Variants in CCSER1 observed in about 807,000 individuals in gnomAD.
The protein encoded by CCSER1 is coiled-coil serine rich protein 1.
CCSER1 carries 41 observed loss-of-function variants against 82.0 expected under a neutral mutation model. That is an observed-to-expected ratio of 0.50 (90% CI 0.39 to 0.65). CCSER1 has a LOEUF of 0.65. CCSER1 is among the 30% of genes least tolerant of loss of function. The probability of loss-of-function intolerance (pLI) is 0.00; values close to 1 mark genes in which losing one functional copy is unlikely to be tolerated. For synonymous variants in CCSER1, 414 were observed against 383.9 expected (o/e 1.08, Z -0.92); for missense variants, 1,119 against 1,064.2 (o/e 1.05, Z -0.72).
At chr4:90,829,396 A>G (rs889894301) in intron 8 of CCSER1, among the ~76,000 whole-genome samples, 1 of 152,186 alleles carries the variant, frequency 6.6e-6, no homozygotes, top group Non-Finnish European at 1.5e-5. Flanking sequence ...AGACTGGAGA[A>G]AAAAACAGCT....
At chr4:91,355,632 A>G (rs1748773713) in intron 10 of CCSER1, among the ~76,000 whole-genome samples, 1 of 152,166 alleles carries the variant, frequency 6.6e-6, no homozygotes, top group Admixed American at 6.5e-5. Context: ...CTTACTGAAA[A>G]AGTCCAAATT....
chr4:90,547,829 G>A (rs1168690240), intron 5 of CCSER1, among the ~76,000 whole-genome samples: 1 of 152,050 alleles, frequency 6.6e-6, no homozygotes, highest in Non-Finnish European at 1.5e-5. Context: ...CTTCAATTCA[G>A]AGGAAAATGA....
intron 9 of CCSER1, among the ~76,000 whole-genome samples, chr4:91,076,920 G>GCTA (rs1193879981): frequency 6.6e-6 from 1 of 152,194 alleles, no homozygotes; most frequent in Non-Finnish European, 1.5e-5. Flanking sequence ...GAACAAAGGA[G>GCTA]CTAGAATTTG....
chr4:91,164,533 T>G (rs1033786274), intron 10 of CCSER1, among the ~76,000 whole-genome samples: 2 of 152,208 alleles, frequency 1.3e-5, no homozygotes, highest in Non-Finnish European at 2.9e-5. Flanking sequence ...GTTTTTCAAC[T>G]TGGTTCCATT....
intron 10 of CCSER1, among the ~76,000 whole-genome samples, chr4:91,150,855 C>T (rs529513463): frequency 1.1e-4 from 17 of 152,184 alleles, no homozygotes; most frequent in Admixed American, 5.2e-4. Context: ...TTTGATGTGC[C>T]GCTGGATTTG....
chr4:91,099,115 T>C (rs1724805574), intron 10 of CCSER1, among the ~76,000 whole-genome samples: 1 of 152,216 alleles, frequency 6.6e-6, no homozygotes, highest in Non-Finnish European at 1.5e-5. Flanking sequence ...CAAAACTTGC[T>C]TCTACTTGTA....
At chr4:91,120,600 T>A (rs1727001994) in intron 10 of CCSER1, among the ~76,000 whole-genome samples, 1 of 151,968 alleles carries the variant, frequency 6.6e-6, no homozygotes, top group Non-Finnish European at 1.5e-5. Flanking sequence ...TGAGTACTTG[T>A]GAAAATTCTT....
intron 10 of CCSER1, among the ~76,000 whole-genome samples, chr4:91,139,768 T>C (rs1262243048): frequency 6.6e-6 from 1 of 152,190 alleles, no homozygotes; most frequent in Admixed American, 6.6e-5. Context: ...AATATACATT[T>C]GTAATCAACA....
chr4:91,245,483 G>A (rs984370666), intron 10 of CCSER1, among the ~76,000 whole-genome samples: 1 of 152,042 alleles, frequency 6.6e-6, no homozygotes, highest in African/African-American at 2.4e-5. Flanking sequence ...CCAGGAGAGA[G>A]TGATATGACA....
chr4:91,417,314 C>A (rs1753426236), intron 10 of CCSER1, among the ~76,000 whole-genome samples: 1 of 152,106 alleles, frequency 6.6e-6, no homozygotes, highest in South Asian at 2.1e-4. Context: ...GCAGAGATAT[C>A]ATTTGACCCA....
chr4:91,290,307 A>T (rs1032242085), intron 10 of CCSER1, among the ~76,000 whole-genome samples: 1 of 152,022 alleles, frequency 6.6e-6, no homozygotes, highest in African/African-American at 2.4e-5. Flanking sequence ...TGCTATATTT[A>T]TATATAATTT....
At chr4:90,198,763 C>T (rs1157358580) in intron 1 of CCSER1, among the ~76,000 whole-genome samples, 4 of 152,156 alleles carry the variant, frequency 2.6e-5, no homozygotes, top group African/African-American at 9.6e-5. Context: ...CCAAAAAGAG[C>T]ACCTTCTTTG....
intron 7 of CCSER1, among the ~76,000 whole-genome samples, chr4:90,794,579 T>G (rs1755727252): frequency 6.6e-6 from 1 of 152,230 alleles, no homozygotes; most frequent in Admixed American, 6.5e-5. Context: ...TATCATAGTT[T>G]GAAGTTGGGT....
chr4:91,576,030 T>C (rs1345622599), intron 10 of CCSER1, among the ~76,000 whole-genome samples: 1 of 151,960 alleles, frequency 6.6e-6, no homozygotes, highest in Admixed American at 6.6e-5. Context: ...GAAATCAGTA[T>C]GTCAAAGAGA....
chr4:90,584,590 G>T (rs1333376040), intron 5 of CCSER1, among the ~76,000 whole-genome samples: 1 of 152,120 alleles, frequency 6.6e-6, no homozygotes, highest in Non-Finnish European at 1.5e-5. Context: ...TTTGGGTATT[G>T]TTTTAAAGCA....
chr4:91,464,875 A>G (rs956802607), intron 10 of CCSER1, among the ~76,000 whole-genome samples: 13 of 152,304 alleles, frequency 8.5e-5, no homozygotes, highest in Admixed American at 7.8e-4. Flanking sequence ...GAGACCTACA[A>G]AGAGACTTAG....
intron 1 of CCSER1, among the ~76,000 whole-genome samples, chr4:90,190,628 T>A (rs1010051495): frequency 6.6e-6 from 1 of 152,122 alleles, no homozygotes; most frequent in African/African-American, 2.4e-5. Context: ...GACAGGCTAT[T>A]CTTGGCCACT....
chr4:91,482,918 G>A (rs1213404616), intron 10 of CCSER1, among the ~76,000 whole-genome samples: 3 of 152,030 alleles, frequency 2.0e-5, no homozygotes, highest in Non-Finnish European at 4.4e-5. Flanking sequence ...CACAGGAAGG[G>A]GAACATCACA....
rs375575318 is a variant in CCSER1, at chr4:90,182,719, G to A, written c.-42+54888G>A. Among the ~76,000 whole-genome samples, 16 of 152,232 alleles carry A rather than the reference G, an allele frequency of 1.1e-4. No homozygotes were observed. The East Asian group carries it at 2.1e-3, about 20-fold the overall frequency. ...AATTTAAGGAAACAATAGAAGCTCA[G>A]AGGAAAGATTGACTTTTGAAAAAGT... is the stretch of plus-strand genomic sequence containing the variant. On this transcript the variant is annotated intron_variant, in intron 1 of 10. Coordinates refer to ENST00000509176, the MANE Select transcript of CCSER1 (RefSeq NM_001145065.2).
Sources: allele counts gnomAD v4.1 joint callset (sites outside exome capture counted in the v4.1 genomes callset), GRCh38; gene constraint gnomAD v4.1.1; transcripts MANE v1.5; gene names NCBI Gene and HGNC (gene_info 2026-07-23, HGNC 2026-07-21).